Variants in MAP2 observed in about 807,000 individuals in gnomAD.
MAP2 encodes the protein microtubule associated protein 2.
A neutral mutation model predicts 137.6 loss-of-function variants in MAP2; 14 were observed. The ratio of observed to expected loss-of-function variants is 0.10; its 90% CI spans 0.07 to 0.16. The LOEUF (loss-of-function observed/expected upper bound fraction) is 0.16, where lower values mean the gene tolerates loss of function less well. MAP2 is among the 10% of genes least tolerant of loss of function. The probability of loss-of-function intolerance (pLI) is 1.00; values close to 1 mark genes in which losing one functional copy is unlikely to be tolerated. For missense variants in MAP2, 2,088 were observed against 2,191.5 expected, an observed-to-expected ratio of 0.95 and a Z score of 0.94; for synonymous variants, 786 against 782.3, an observed-to-expected ratio of 1.00 and a Z score of -0.08.
chr2:209,592,399 C>G (rs1171657173), intron 3 of MAP2, among the ~76,000 whole-genome samples: 1 of 152,076 alleles, frequency 6.6e-6, no homozygotes, highest in Non-Finnish European at 1.5e-5. Flanking sequence ...CTCCCAGTGT[C>G]TTCTATCTCA....
chr2:209,568,557 AG>A (rs2073877060), intron 2 of MAP2, among the ~76,000 whole-genome samples: 1 of 151,970 alleles, frequency 6.6e-6, no homozygotes, highest in Admixed American at 6.6e-5. Context: ...TGAAGGAACA[AG>A]AGAGGTTTAA....
chr2:209,563,446 A>G (rs186297893), intron 2 of MAP2, among the ~76,000 whole-genome samples: 1 of 147,820 alleles, frequency 6.8e-6, no homozygotes, highest in African/African-American at 2.7e-5. Context: ...CTTATAAAAG[A>G]TTTTCATTGT....
At chr2:209,424,662 A>G (rs1333248704) in intron 1 of MAP2, among the ~76,000 whole-genome samples, 3 of 152,204 alleles carry the variant, frequency 2.0e-5, no homozygotes, top group Admixed American at 6.5e-5. Flanking sequence ...AAAATAGGAA[A>G]TCGAGGTAGG....
At chr2:209,506,577 T>C (rs1013035844) in intron 1 of MAP2, among the ~76,000 whole-genome samples, 16 of 152,228 alleles carry the variant, frequency 1.1e-4, no homozygotes, top group Admixed American at 5.2e-4. Context: ...GTTTACTATC[T>C]GTTCAAGAGA....
At chr2:209,684,763 A>T (rs1025100213) in intron 7 of MAP2, 2 of 152,222 alleles carry the variant, frequency 1.3e-5, no homozygotes, top group African/African-American at 4.8e-5. Flanking sequence ...ATTAAATGAA[A>T]TAGAATATTC....
intron 1 of MAP2, among the ~76,000 whole-genome samples, chr2:209,475,449 T>C (rs1259896793): frequency 6.6e-6 from 1 of 152,064 alleles, no homozygotes; most frequent in African/African-American, 2.4e-5. Context: ...GGGAAAAACA[T>C]AGTATTTGAA....
At chr2:209,697,371 T>C (rs1461938448) in intron 10 of MAP2, among the ~76,000 whole-genome samples, 1 of 152,192 alleles carries the variant, frequency 6.6e-6, no homozygotes, top group Non-Finnish European at 1.5e-5. Context: ...AATTTAACTG[T>C]GGTATGCATT....
chr2:209,678,763 A>T (rs564965976), intron 6 of MAP2, 78 bp downstream of exon 6: 18 of 762,284 alleles, frequency 2.4e-5, no homozygotes, highest in Middle Eastern at 2.4e-4. Context: ...TGTTCAAAAG[A>T]TAGGCCATAT....
intron 1 of MAP2, among the ~76,000 whole-genome samples, chr2:209,505,552 G>A (rs2060928121): frequency 6.6e-6 from 1 of 152,142 alleles, no homozygotes. Flanking sequence ...ACTTTGCAAA[G>A]CTGTAACATC....
At chr2:209,728,670 T>A (rs1389815423) in intron 14 of MAP2, among the ~76,000 whole-genome samples, 1 of 152,208 alleles carries the variant, frequency 6.6e-6, no homozygotes, top group Non-Finnish European at 1.5e-5. Flanking sequence ...CAGAGATACA[T>A]GAGCAACAAG....
chr2:209,460,371 C>T (rs1272008355), intron 1 of MAP2, among the ~76,000 whole-genome samples: 1 of 152,120 alleles, frequency 6.6e-6, no homozygotes, highest in Non-Finnish European at 1.5e-5. Flanking sequence ...CAAACTGGTT[C>T]TTTGGGACGT....
At chr2:209,665,826 T>G (rs562968551) in intron 5 of MAP2, among the ~76,000 whole-genome samples, 72 of 152,284 alleles carry the variant, frequency 4.7e-4, no homozygotes, top group African/African-American at 1.6e-3. Context: ...CATTTTTCAC[T>G]TAATAAAAAG....
chr2:209,629,981 G>A (rs2092807565), intron 4 of MAP2, among the ~76,000 whole-genome samples: 2 of 152,164 alleles, frequency 1.3e-5, no homozygotes, highest in Admixed American at 1.3e-4. Context: ...TTAGGAGGGT[G>A]CTGTTATTAA....
At chr2:209,540,295 G>A (rs544907607) in intron 2 of MAP2, among the ~76,000 whole-genome samples, 17 of 151,908 alleles carry the variant, frequency 1.1e-4, no homozygotes, top group African/African-American at 4.1e-4. Flanking sequence ...TTTAGCATTT[G>A]TATAATGCAT....
intron 3 of MAP2, among the ~76,000 whole-genome samples, chr2:209,623,677 G>A (rs532476898): frequency 2.0e-5 from 3 of 151,890 alleles, no homozygotes; most frequent in African/African-American, 4.8e-5. Flanking sequence ...TCTCTAAATA[G>A]TCTGAAGTTA....
intron 5 of MAP2, among the ~76,000 whole-genome samples, chr2:209,663,450 A>G (rs972992333): frequency 1.3e-5 from 2 of 152,182 alleles, no homozygotes; most frequent in African/African-American, 2.4e-5. Context: ...AGCAACACTC[A>G]TAGAAAATAC....
intron 2 of MAP2, among the ~76,000 whole-genome samples, chr2:209,517,138 T>C (rs1576880209): frequency 6.6e-6 from 1 of 152,270 alleles, no homozygotes; most frequent in East Asian, 1.9e-4. Context: ...ATCCTCCCTC[T>C]TCCGCCATAC....
chr2:209,476,399 T>G (rs1275570491), intron 1 of MAP2, among the ~76,000 whole-genome samples: 1 of 145,936 alleles, frequency 6.9e-6, no homozygotes, highest in African/African-American at 2.6e-5. Context: ...TTTTCTTAGT[T>G]TTTTTTTTTT....
At chr2:209,511,976 C>A (rs1242772992) in intron 2 of MAP2, among the ~76,000 whole-genome samples, 2 of 152,034 alleles carry the variant, frequency 1.3e-5, no homozygotes, top group African/African-American at 4.8e-5. Context: ...TTCTTTTCTA[C>A]CTGGATCTAG....
Sources: gnomAD v4.1 joint callset for allele counts (sites outside exome capture counted in the v4.1 genomes callset) on GRCh38, gnomAD v4.1.1 for gene constraint, MANE v1.5 for transcripts, NCBI Gene and HGNC (gene_info 2026-07-23, HGNC 2026-07-21) for gene names.